Variants in GEMIN5 observed in about 807,000 individuals in gnomAD.
GEMIN5 encodes gem nuclear organelle associated protein 5.
GEMIN5 carries 124 observed loss-of-function variants against 176.9 expected under a neutral mutation model. The ratio of observed to expected loss-of-function variants is 0.70; its 90% confidence interval spans 0.61 to 0.81. The LOEUF is 0.81. Among genes scored for constraint, GEMIN5 ranks in the 40% least tolerant of loss-of-function variants. The probability of loss-of-function intolerance (pLI) is 0.00; values close to 1 mark genes in which losing one functional copy is unlikely to be tolerated. For synonymous variants in GEMIN5, 673 were observed against 665.2 expected (o/e 1.01, Z -0.18); for missense variants, 1,843 against 1,814.6 (o/e 1.02, Z -0.28).
chr5:154,899,901 GGCT>G (rs1332755263), intron 21 of GEMIN5, among the ~76,000 whole-genome samples: 5 of 151,582 alleles, frequency 3.3e-5, no homozygotes, highest in Non-Finnish European at 7.4e-5. Context: ...AAGCTAAACT[GGCT>G]GCTTTTTCAT....
intron 26 of GEMIN5, among the ~76,000 whole-genome samples, chr5:154,890,356 T>C (rs546240411): frequency 6.6e-6 from 1 of 152,300 alleles, no homozygotes; most frequent in East Asian, 1.9e-4. Context: ...ATTTAAACTT[T>C]TGCCTATGAC....
At chr5:154,928,487 A>G (rs753274223) in intron 6 of GEMIN5, 40 bp downstream of exon 6, 1 of 1,606,214 alleles carries the variant, frequency 6.2e-7, no homozygotes, top group East Asian at 2.2e-5. Flanking sequence ...AAATAGAAAA[A>G]CAAAATATAT....
chr5:154,892,326 C>T, intron 25 of GEMIN5, 61 bp downstream of exon 25: 2 of 1,372,770 alleles, frequency 1.5e-6, no homozygotes, highest in South Asian at 2.5e-5. Context: ...AGTGCCACAC[C>T]ACTAATGGTG....
At chr5:154,914,026 AT>A (rs1015026878) in intron 13 of GEMIN5, among the ~76,000 whole-genome samples, 105 of 145,672 alleles carry the variant, frequency 7.2e-4, no homozygotes, top group Admixed American at 1.0e-3. Context: ...TACACACATA[AT>A]TTTTTTTTTT....
chr5:154,925,802 T>C (rs1425181234), intron 8 of GEMIN5, 60 bp downstream of exon 8: 6 of 941,736 alleles, frequency 6.4e-6, no homozygotes, highest in East Asian at 2.4e-5. Flanking sequence ...TGAACAGGCA[T>C]AAAAGAGAAT....
intron 15 of GEMIN5, among the ~76,000 whole-genome samples, chr5:154,909,322 A>G (rs946405650): frequency 2.6e-4 from 40 of 151,686 alleles, no homozygotes; most frequent in African/African-American, 8.7e-4. Flanking sequence ...CACAAGGAAG[A>G]GCTTGGCATC....
chr5:154,902,620 T>C lies in GEMIN5; in HGVS notation c.2785A>G (p.Lys929Glu). ...TGGAGAACACCTTTGAGATCTCCTT[T>C]CCAAAGCATAAGCTGGTGAAATAAC... is the stretch of plus-strand genomic sequence containing the variant. Reference protein sequence around the residue: ...PELFHQLMLWKGDLKGVLQTA... With the variant: ...PELFHQLMLWEGDLKGVLQTA... The change falls in exon 20 of 28, where the codon AAA (lysine) becomes GAA (glutamate). Residue 929 changes from lysine to glutamate, a missense_variant. By Grantham distance (56) the Lys-to-Glu change is moderately conservative. Transcript: ENST00000285873. 1 of 1,613,986 alleles carries C rather than the reference T, an allele frequency of 6.2e-7. No homozygotes were observed. Among genetic ancestry groups the C allele is most frequent in the Non-Finnish European group, 8.5e-7 (1 of 1,179,808 alleles).
At chr5:154,906,251 C>A (rs1373101654) in intron 16 of GEMIN5, among the ~76,000 whole-genome samples, 3 of 152,118 alleles carry the variant, frequency 2.0e-5, no homozygotes, top group Non-Finnish European at 1.5e-5. Context: ...TTTCCTTGGC[C>A]TCCCATAGTG....
intron 22 of GEMIN5, 152 bp from the exon 23 acceptor site, chr5:154,898,802 T>C (rs775417413): frequency 1.0e-5 from 7 of 677,476 alleles, no homozygotes; most frequent in Non-Finnish European, 1.8e-5. Flanking sequence ...CTGTGAAGGC[T>C]GAGGCCAACA....
intron 27 of GEMIN5, among the ~76,000 whole-genome samples, chr5:154,888,854 T>TG (rs1290961677): frequency 5.2e-4 from 15 of 28,966 alleles, no homozygotes; most frequent in Non-Finnish European, 6.6e-4. Context: ...TAAATTCTTT[T>TG]TTTTTGTTTT....
chr5:154,920,164 G>A, intron 10 of GEMIN5, 61 bp from the exon 11 acceptor site: 1 of 1,378,318 alleles, frequency 7.3e-7, no homozygotes, highest in African/African-American at 1.4e-5. Context: ...ACTATTTGTT[G>A]CTATAGTATG....
chr5:154,893,255 TAAA>T (rs70981957), intron 24 of GEMIN5, among the ~76,000 whole-genome samples: 22 of 85,678 alleles, frequency 2.6e-4, no homozygotes, highest in Middle Eastern at 8.3e-3. Context: ...AGCCCGTCTC[TAAA>T]AAAAAAAAAA....
chr5:154,916,220 C>T (rs1424490684), intron 13 of GEMIN5, among the ~76,000 whole-genome samples: 2 of 151,704 alleles, frequency 1.3e-5, no homozygotes, highest in Admixed American at 1.3e-4. Flanking sequence ...CAAGATAGAT[C>T]CTTGTGTACT....
intron 12 of GEMIN5, 37 bp downstream of exon 12, chr5:154,917,894 A>C: frequency 7.5e-7 from 1 of 1,338,070 alleles, no homozygotes; most frequent in Non-Finnish European, 1.1e-6. Flanking sequence ...TATATGTGCG[A>C]TTGCAAATTT....
intron 5 of GEMIN5, among the ~76,000 whole-genome samples, chr5:154,930,836 C>CA (rs930119833): frequency 2.9e-4 from 43 of 149,814 alleles, no homozygotes; most frequent in South Asian, 8.4e-4. Flanking sequence ...AAAAAACTGC[C>CA]AAAAAAAATA....
intron 19 of GEMIN5, among the ~76,000 whole-genome samples, 179 bp downstream of exon 19, chr5:154,902,901 G>C (rs1276282607): frequency 2.0e-5 from 3 of 152,194 alleles, no homozygotes; most frequent in Non-Finnish European, 2.9e-5. Flanking sequence ...GTATGTTTAG[G>C]ATCCTATGAT....
intron 15 of GEMIN5, among the ~76,000 whole-genome samples, chr5:154,908,432 C>T (rs1232155205): frequency 1.3e-5 from 2 of 152,046 alleles, no homozygotes; most frequent in Non-Finnish European, 2.9e-5. Flanking sequence ...CTGCCTGCCT[C>T]GGCCTCCCAA....
chr5:154,902,510 TGAAAA>T, intron 20 of GEMIN5, 24 bp downstream of exon 20: 1 of 1,611,824 alleles, frequency 6.2e-7, no homozygotes, highest in Non-Finnish European at 8.5e-7. Context: ...GAGCTTTTGT[TGAAAA>T]GAACAAACAA....
chr5:154,931,631 T>C lies in GEMIN5; in HGVS notation c.662-54A>G, dbSNP rs548759720. The C allele has an allele frequency of 1.2e-4, 176 of 1,462,618 alleles. 2 individuals are homozygous for C. The South Asian group carries it at 1.9e-3, about 16-fold the overall frequency. The allele number at this position is 1,462,618 out of a possible 1,614,324, so 90.6% of individuals were successfully genotyped here. A position where few individuals can be genotyped will look rare whatever the true frequency, so the allele number is the denominator to read the frequency against. The stretch of plus-strand genomic sequence containing the variant: ...AATTTACATTAAACACGCACTAATA[T>C]AAAAAAATTAGTTTGCAAGAGTTTC... On this transcript the variant is annotated intron_variant, in intron 4 of 27. Transcript: ENST00000285873.
Sources: gnomAD v4.1 joint callset for allele counts (sites outside exome capture counted in the v4.1 genomes callset) on GRCh38, gnomAD v4.1.1 for gene constraint, MANE v1.5 for transcripts, NCBI Gene and HGNC (gene_info 2026-07-23, HGNC 2026-07-21) for gene names.